Variants in SOX30 observed in about 807,000 individuals in gnomAD.
The protein encoded by SOX30 is transcription factor SOX-30.
SOX30 carries 17 observed loss-of-function variants against 58.6 expected under a neutral mutation model. The ratio of observed to expected loss-of-function variants is 0.29; its 90% confidence interval spans 0.20 to 0.44. The LOEUF is 0.44. Ranked by LOEUF, SOX30 falls within the 20% of genes least tolerant of loss-of-function variation. The pLI, the probability that SOX30 is intolerant of heterozygous loss-of-function variation, is 1.00. For missense variants in SOX30, 951 were observed against 965.8 expected (o/e 0.98, Z 0.20); for synonymous variants, 421 against 400.2 (o/e 1.05, Z -0.62).
upstream of SOX30, chr5:157,652,500 TCACAAGGGGAGCGA>T (rs113290786): frequency 4.2e-5 from 23 of 542,200 alleles, no homozygotes; most frequent in African/African-American, 3.5e-4. Flanking sequence ...AAGTCTTGCG[TCACAAGGGGAGCGA>T]CGGCCTTGTG....
At chr5:157,631,046 T>A (rs1258845793) in intron 4 of SOX30, among the ~76,000 whole-genome samples, 2 of 26,798 alleles carry the variant, frequency 7.5e-5, no homozygotes, top group African/African-American at 1.3e-4. Flanking sequence ...ATATATATAT[T>A]TTATATATAT....
chr5:157,640,630 T>C (rs557831255), intron 3 of SOX30, among the ~76,000 whole-genome samples: 1 of 152,262 alleles, frequency 6.6e-6, no homozygotes, highest in South Asian at 2.1e-4. Flanking sequence ...GAATTAACTC[T>C]ATCGCCTGCA....
At chr5:157,646,536 G>T in intron 3 of SOX30, 101 bp downstream of exon 3, 4 of 848,672 alleles carry the variant, frequency 4.7e-6, no homozygotes, top group East Asian at 2.8e-5. Context: ...TAACATTGTT[G>T]TTCCAAATTC....
upstream of SOX30, among the ~76,000 whole-genome samples, chr5:157,655,902 G>A (rs1193567447): frequency 6.6e-6 from 1 of 152,202 alleles, no homozygotes; most frequent in African/African-American, 2.4e-5. Flanking sequence ...ATAAAGAGGG[G>A]TACCTTAGGA....
chr5:157,634,568 T>A, intron 4 of SOX30, among the ~76,000 whole-genome samples: 1 of 151,932 alleles, frequency 6.6e-6, no homozygotes, highest in East Asian at 1.9e-4. Context: ...ATACACAAAA[T>A]ATGTATATAT....
At position 157,626,278 on chromosome 5, in the gene SOX30, T is replaced by C; in HGVS notation, c.*62A>G. 5.1e-6 allele frequency: 7 copies of C among 1,385,394 alleles called. No homozygotes were observed. Among genetic ancestry groups the C allele is most frequent in the Non-Finnish European group, 6.8e-6 (7 of 1,031,492 alleles). The allele number at this position is 1,385,394 out of a possible 1,614,324, so 85.8% of individuals were successfully genotyped here. A position where few individuals can be genotyped will look rare whatever the true frequency, so the allele number is the denominator to read the frequency against. Reference sequence around the variant, plus strand: ...GAATTCTAGGCTTTTTTTTTTCTCATACCAACTGACCCAGAATATATTTTA... The same window carrying C: ...GAATTCTAGGCTTTTTTTTTTCTCACACCAACTGACCCAGAATATATTTTA... On this transcript the variant is annotated 3_prime_UTR_variant, in exon 5 of 5. Transcript: ENST00000265007.
intron 4 of SOX30, among the ~76,000 whole-genome samples, chr5:157,634,095 G>A (rs1165098427): frequency 2.0e-5 from 3 of 152,188 alleles, no homozygotes; most frequent in Admixed American, 6.5e-5. Flanking sequence ...CCCCAGAGAG[G>A]GGGAGCAGCA....
intron 1 of SOX30, among the ~76,000 whole-genome samples, chr5:157,670,507 G>A (rs1759758890): frequency 1.3e-5 from 2 of 152,178 alleles, no homozygotes; most frequent in South Asian, 4.1e-4. Flanking sequence ...GCTTTGGATA[G>A]GGAAGTTAAA....
chr5:157,667,445 C>A (rs1759693777), intron 2 of SOX30, among the ~76,000 whole-genome samples: 2 of 152,132 alleles, frequency 1.3e-5, no homozygotes, highest in Admixed American at 6.6e-5. Context: ...AGTTTAAAAA[C>A]CTTGAGGCTG....
chr5:157,650,985 A>T, intron 1 of SOX30, 127 bp downstream of exon 1: 1 of 697,236 alleles, frequency 1.4e-6, no homozygotes, highest in Non-Finnish European at 2.4e-6. Flanking sequence ...ACCTGTGCAG[A>T]CTCTGCCCTG....
chr5:157,649,512 A>G (rs1179182934), intron 1 of SOX30, among the ~76,000 whole-genome samples: 1 of 152,212 alleles, frequency 6.6e-6, no homozygotes, highest in Non-Finnish European at 1.5e-5. Context: ...TTTTTGGGCC[A>G]GGTACGGTGG....
intron 3 of SOX30, among the ~76,000 whole-genome samples, chr5:157,640,407 G>A (rs17054784): frequency 0.17 from 25,639 of 152,096 alleles, 2,510 homozygotes; most frequent in African/African-American, 0.26. Context: ...TCAAAGATCT[G>A]AAGAGAATTC....
rs765706291 is a variant in SOX30, at chr5:157,638,250, T to G, written c.1860A>C (p.Gly620=). ...TTTACCTTGATGGGAAGTAGTGAGG[T>G]CCGGGTAGGAAGTAAGGGTGATGAA... ...FSFHHPYFLP[G]PHYFPSSTCP... is the part of the protein sequence containing the mutation. The change falls in exon 4 of 5, where the codon GGA becomes GGC. Residue 620 remains glycine (G), a synonymous_variant. Transcript: ENST00000265007. The G allele has an allele frequency of 6.5e-7, 1 of 1,532,588 alleles. No individual in the cohort carries two copies. Among genetic ancestry groups the G allele is most frequent in the Non-Finnish European group, 8.8e-7 (1 of 1,139,634 alleles). The allele number at this position is 1,532,588 out of a possible 1,614,324, so 94.9% of individuals were successfully genotyped here.
intron 4 of SOX30, among the ~76,000 whole-genome samples, chr5:157,627,240 G>A (rs1187546724): frequency 6.6e-6 from 1 of 152,148 alleles, no homozygotes; most frequent in Non-Finnish European, 1.5e-5. Context: ...GTGCATGCCT[G>A]TAGTCCCAGC....
chr5:157,664,337 AT>A (rs1203100889), intron 2 of SOX30, among the ~76,000 whole-genome samples: 1 of 152,242 alleles, frequency 6.6e-6, no homozygotes, highest in African/African-American at 2.4e-5. Context: ...AAAACTAGAA[AT>A]GGGGAAAGGA....
chr5:157,629,101 G>T (rs907354284), intron 4 of SOX30, among the ~76,000 whole-genome samples: 13 of 152,134 alleles, frequency 8.5e-5, no homozygotes, highest in African/African-American at 3.1e-4. Context: ...GCACAGTAGG[G>T]TGCCTATAGT....
intron 2 of SOX30, among the ~76,000 whole-genome samples, chr5:157,665,879 T>G (rs1759660475): frequency 6.7e-6 from 1 of 150,130 alleles, no homozygotes; most frequent in Admixed American, 6.6e-5. Flanking sequence ...CTGGTCTGAC[T>G]GACCATCTTG....
rs1759335699 is a variant in SOX30, at chr5:157,651,428, G to A, written c.651C>T (p.Pro217=). The change falls in exon 1 of 5, where the codon CCC becomes CCT. Residue 217 remains proline, a synonymous_variant. Transcript: ENST00000265007. ...GCCTGCAGTCCTCGAGGAGTCTCTC[G>A]GGTTCCTCCGTTTTGATCACACCTT... is the stretch of plus-strand genomic sequence containing the variant. The part of the protein sequence containing the change: ...IREGVIKTEE[P]ERLLEDCRLG... 3 of 1,613,468 alleles carry A rather than the reference G, an allele frequency of 1.9e-6. No individual in the cohort carries two copies. Among genetic ancestry groups the A allele is most frequent in the Non-Finnish European group, 2.5e-6 (3 of 1,180,034 alleles).
chr5:157,652,324 C>T lies in SOX30; in HGVS notation c.-246G>A. The stretch of plus-strand genomic sequence containing the variant: ...CGCCTCGTGCTGAGTCCTCGAATCA[C>T]CTGCCATGGTAGGAGCCGCCGCACT... On this transcript the variant is annotated 5_prime_UTR_variant, in exon 1 of 5. In the 5' UTR this introduces an upstream ATG that the reference lacks. Coordinates refer to ENST00000265007, the MANE Select transcript of SOX30 (RefSeq NM_178424.2). The T allele has an allele frequency of 1.2e-5, 14 of 1,211,774 alleles. No homozygotes were observed. The highest frequency in any genetic ancestry group is 1.3e-5 in the Non-Finnish European group (13 of 975,918). The allele number at this position is 1,211,774 out of a possible 1,614,324, so 75.1% of individuals were successfully genotyped here. A position where few individuals can be genotyped will look rare whatever the true frequency, so the allele number is the denominator to read the frequency against.
Sources: allele counts gnomAD v4.1 joint callset (sites outside exome capture counted in the v4.1 genomes callset), GRCh38; gene constraint gnomAD v4.1.1; transcripts MANE v1.5; gene names NCBI Gene and HGNC (gene_info 2026-07-23, HGNC 2026-07-21).